The following SUN3 variants were observed in gnomAD, a reference collection of about 807,000 sequenced individuals.
The protein encoded by SUN3 is Sad1 and UNC84 domain containing 3.
Under a neutral mutation model 48.2 loss-of-function variants are expected in SUN3, and 36 were observed. That is an observed-to-expected ratio of 0.75 (90% CI 0.57 to 0.99). The LOEUF is 0.99. Among genes scored for constraint, SUN3 ranks in the 50% least tolerant of loss-of-function variants. The probability of loss-of-function intolerance (pLI) is 0.00; values close to 1 mark genes in which losing one functional copy is unlikely to be tolerated. For missense variants in SUN3, 419 were observed against 433.1 expected (o/e 0.97, Z 0.29); for synonymous variants, 148 against 147.9 (o/e 1.00, Z 0.00).
intron 6 of SUN3, among the ~76,000 whole-genome samples, chr7:48,002,842 T>C (rs1416257418): frequency 6.6e-6 from 1 of 152,218 alleles, no homozygotes; most frequent in African/African-American, 2.4e-5. Flanking sequence ...ACTTTCAGGC[T>C]GAGACTATGG....
At chr7:48,028,428 C>A (rs1790192586) in intron 1 of SUN3, among the ~76,000 whole-genome samples, 1 of 135,390 alleles carries the variant, frequency 7.4e-6, no homozygotes, top group Non-Finnish European at 1.5e-5. Flanking sequence ...GAGTCCTGAG[C>A]CCGGTGCTAA....
At chr7:48,005,851 C>CCA in intron 6 of SUN3, 118 bp downstream of exon 6, 1 of 322,496 alleles carries the variant, frequency 3.1e-6, no homozygotes, top group Non-Finnish European at 5.4e-6. Context: ...TGATTAATTT[C>CCA]CCCCCCCCAA....
chr7:47,987,837 A>G (rs912238517), intron 9 of SUN3, among the ~76,000 whole-genome samples: 1 of 152,212 alleles, frequency 6.6e-6, no homozygotes, highest in African/African-American at 2.4e-5. Flanking sequence ...CCTGGCCTAT[A>G]TACTTTTTCT....
chr7:48,019,824 A>G (rs111362156), intron 2 of SUN3, among the ~76,000 whole-genome samples: 2,760 of 152,084 alleles, frequency 0.018, 85 homozygotes, highest in African/African-American at 0.063. Context: ...CCGGGACCCC[A>G]TGGCTTCACT....
chr7:48,029,205 G>A, upstream of SUN3: 1 of 419,926 alleles, frequency 2.4e-6, no homozygotes. Context: ...CTGCTTCAAG[G>A]GCCTAATTGT....
At chr7:48,014,053 C>A (rs1050922992) in intron 3 of SUN3, among the ~76,000 whole-genome samples, 1 of 152,182 alleles carries the variant, frequency 6.6e-6, no homozygotes, top group Non-Finnish European at 1.5e-5. Context: ...GCAGCCTCAA[C>A]CTCCCAGGCT....
intron 8 of SUN3, chr7:47,991,137 G>T (rs1034920338): frequency 7.0e-6 from 3 of 428,032 alleles, no homozygotes; most frequent in Non-Finnish European, 9.2e-6. Context: ...GGCTGGCCTC[G>T]AATTCCTGGG....
intron 1 of SUN3, among the ~76,000 whole-genome samples, chr7:48,026,587 C>A (rs1314808729): frequency 6.6e-6 from 1 of 150,980 alleles, no homozygotes; most frequent in Non-Finnish European, 1.5e-5. Context: ...CCCCAACACA[C>A]ACACACACAC....
chr7:47,989,001 G>GCCAGTACT (rs1788976128), intron 8 of SUN3, 121 bp from the exon 9 acceptor site: 1 of 605,406 alleles, frequency 1.7e-6, no homozygotes, highest in African/African-American at 1.8e-5. Flanking sequence ...CTGTGATCAT[G>GCCAGTACT]CCAGTACTAA....
At chr7:47,987,521 A>G in intron 9 of SUN3, 72 bp from the exon 10 acceptor site, 1 of 1,340,998 alleles carries the variant, frequency 7.5e-7, no homozygotes, top group Non-Finnish European at 9.8e-7. Flanking sequence ...GAATACTGAT[A>G]TAATTTTAAA....
rs529095994 is a variant in SUN3 at position 48,004,689 on chromosome 7, A to G, written c.577+1280T>C. Among the ~76,000 whole-genome samples, 6 of 152,358 alleles carry G rather than the reference A, an allele frequency of 3.9e-5. 1 individual carries two copies. The South Asian group carries it at 1.2e-3, about 32-fold the overall frequency. On this transcript the variant is annotated intron_variant, in intron 6 of 9. Transcript: ENST00000297325. ...TACTTTATTCTGCGATTTTGGCTAGAAAAATTGGGCTTCTTTCACAGATTT... is the reference window on the plus strand; with the variant it reads ...TACTTTATTCTGCGATTTTGGCTAGGAAAATTGGGCTTCTTTCACAGATTT...
chr7:48,018,651 A>G (rs1789882220), intron 2 of SUN3: 1 of 153,882 alleles, frequency 6.5e-6, no homozygotes, highest in Non-Finnish European at 1.5e-5. Flanking sequence ...TGAAAATGTT[A>G]CTAAACAAAC....
At chr7:47,988,349 G>C (rs187947335) in intron 9 of SUN3, among the ~76,000 whole-genome samples, 46 of 152,234 alleles carry the variant, frequency 3.0e-4, no homozygotes, top group Admixed American at 2.2e-3. Flanking sequence ...TCTCCCACTG[G>C]GTTAGGAGTT....
At chr7:48,005,185 A>G (rs1296703596) in intron 6 of SUN3, among the ~76,000 whole-genome samples, 1 of 152,168 alleles carries the variant, frequency 6.6e-6, no homozygotes, top group East Asian at 1.9e-4. Context: ...CAAACAAACA[A>G]CCAAAAAATC....
the SUN3 span, chr7:48,035,433 C>A: frequency 8.8e-6 from 6 of 678,774 alleles, no homozygotes; most frequent in African/African-American, 5.4e-5. The surrounding 1 kb of genome is among the most constrained non-coding windows in gnomAD (Gnocchi z 4.0). Context: ...ACCGCTCCCC[C>A]TCAGGCTTCC....
intron 8 of SUN3, among the ~76,000 whole-genome samples, chr7:47,990,675 T>C (rs558104499): frequency 1.8e-4 from 27 of 152,148 alleles, no homozygotes; most frequent in African/African-American, 6.0e-4. Context: ...ATATTCTCTT[T>C]AGCTTAAGAC....
intron 2 of SUN3, among the ~76,000 whole-genome samples, chr7:48,022,365 T>G (rs1181304784): frequency 1.3e-5 from 2 of 152,142 alleles, no homozygotes; most frequent in East Asian, 3.9e-4. Flanking sequence ...ACACAATGGG[T>G]GACTACAGTA....
chr7:48,001,531 G>GTTTTTTTTTTTT (rs1166666161), intron 6 of SUN3, among the ~76,000 whole-genome samples: 12 of 110,498 alleles, frequency 1.1e-4, no homozygotes, highest in African/African-American at 1.8e-4. Context: ...TGTTTTTTTT[G>GTTTTTTTTTTTT]TTTTTTTTTT....
At chr7:47,989,472 T>G (rs971145856) in intron 8 of SUN3, among the ~76,000 whole-genome samples, 8 of 152,352 alleles carry the variant, frequency 5.3e-5, no homozygotes, top group Admixed American at 2.0e-4. Context: ...AATTGAAGAT[T>G]TGTGAGAGGA....
Sources: allele counts gnomAD v4.1 joint callset (sites outside exome capture counted in the v4.1 genomes callset), GRCh38; gene constraint gnomAD v4.1.1; non-coding constraint Gnocchi (gnomAD v3.1); transcripts MANE v1.5; gene names NCBI Gene and HGNC (gene_info 2026-07-23, HGNC 2026-07-21).